PCBP3: variants seen among roughly 807,000 people sequenced by gnomAD.
The protein encoded by PCBP3 is poly(rC)-binding protein 3.
A neutral mutation model predicts 52.7 loss-of-function variants in PCBP3; 25 were observed. The ratio of observed to expected loss-of-function variants is 0.47; its 90% CI spans 0.35 to 0.66. The LOEUF is 0.66. Among genes scored for constraint, PCBP3 ranks in the 30% least tolerant of loss-of-function variants. The pLI is 0.01. For missense variants in PCBP3, 391 were observed against 490.3 expected (o/e 0.80, Z 1.91); for synonymous variants, 162 against 183.0 (o/e 0.89, Z 0.93).
rs532359138 is a variant in PCBP3 at position 45,723,022 on chromosome 21, A to C, written c.-199-12370A>C. Among the ~76,000 whole-genome samples the C allele has an allele frequency of 6.8e-4, 103 of 152,258 alleles. 1 individual carries two copies. Among genetic ancestry groups the C allele is most frequent in the African/African-American group, 2.2e-3 (93 of 41,556 alleles). ...CAGCAAGACCCGTCTCAAAAAAAAAAAATGTATATAGGTAAATGTAATAAT... is the reference window on the plus strand; with the variant it reads ...CAGCAAGACCCGTCTCAAAAAAAAACAATGTATATAGGTAAATGTAATAAT... On this transcript the variant is annotated intron_variant, in intron 2 of 17. Coordinates refer to ENST00000681687, the MANE Select transcript of PCBP3 (RefSeq NM_001384156.1).
At chr21:45,893,007 G>A (rs963126685) in intron 5 of PCBP3, among the ~76,000 whole-genome samples, 12 of 151,984 alleles carry the variant, frequency 7.9e-5, no homozygotes, top group African/African-American at 1.9e-4. Context: ...GAGGGGAGCC[G>A]ATAATAACAG....
At chr21:45,761,341 T>C (rs1396284154) in intron 4 of PCBP3, 6 of 152,290 alleles carry the variant, frequency 3.9e-5, no homozygotes, top group African/African-American at 1.4e-4. Flanking sequence ...GATCTGTTAC[T>C]GTCTCTTTTT....
At chr21:45,856,944 G>A (rs1359715993) in intron 5 of PCBP3, among the ~76,000 whole-genome samples, 2 of 152,200 alleles carry the variant, frequency 1.3e-5, no homozygotes, top group Non-Finnish European at 2.9e-5. Context: ...GGTTGAGTTT[G>A]TCTAAAGACC....
chr21:45,727,251 A>G lies in PCBP3; in HGVS notation c.-199-8141A>G, dbSNP rs141469105. Among the ~76,000 whole-genome samples the G allele has an allele frequency of 3.8e-3, 575 of 152,368 alleles. 2 individuals carry two copies. The highest frequency in any genetic ancestry group is 0.013 in the African/African-American group (551 of 41,582). On this transcript the variant is annotated intron_variant, in intron 2 of 17. Coordinates refer to ENST00000681687, the MANE Select transcript of PCBP3 (RefSeq NM_001384156.1). ...TATTTTTCTTGTTTTTAAAAATACA[A>G]TGTCCAGTTGTTCCAGCACCATTTC...
At chr21:45,719,353 G>A (rs991224957) in intron 2 of PCBP3, among the ~76,000 whole-genome samples, 1 of 152,122 alleles carries the variant, frequency 6.6e-6, no homozygotes, top group Non-Finnish European at 1.5e-5. Context: ...AGACAACTGA[G>A]GAACTGAGAA....
chr21:45,900,660 C>G (rs752354242), intron 8 of PCBP3, 37 bp downstream of exon 8: 1 of 1,111,168 alleles, frequency 9.0e-7, no homozygotes. Flanking sequence ...CGCAGCCATT[C>G]CCGGGTGGGC....
intron 13 of PCBP3, among the ~76,000 whole-genome samples, chr21:45,922,520 A>G (rs987146773): frequency 6.6e-6 from 1 of 152,118 alleles, no homozygotes; most frequent in Non-Finnish European, 1.5e-5. Context: ...GCACCACTGC[A>G]CTCCAGCCTG....
rs560876905 is a variant in PCBP3, at chr21:45,765,716, A to G, written c.-126+10264A>G. Among the ~76,000 whole-genome samples the G allele has an allele frequency of 1.1e-4, 16 of 152,318 alleles. No homozygotes were observed. The South Asian group carries it at 2.7e-3, about 26-fold the overall frequency. The stretch of plus-strand genomic sequence containing the variant: ...CCTAGGAGGCCCCTCATGTCCAGAC[A>G]TCGGCTTCAGTTTAGGGCTATGGGG... On this transcript the variant is annotated intron_variant, in intron 4 of 17. Transcript: ENST00000681687.
At chr21:45,898,627 C>G (rs1370117041) in intron 6 of PCBP3, among the ~76,000 whole-genome samples, 3 of 118,760 alleles carry the variant, frequency 2.5e-5, no homozygotes, top group African/African-American at 9.0e-5. Context: ...CTCACGGCCT[C>G]CCTCTCCCTC....
chr21:45,704,943 T>C lies in PCBP3; in HGVS notation c.-199-30449T>C, dbSNP rs1469151493. Among the ~76,000 whole-genome samples the C allele has an allele frequency of 6.6e-6, 1 of 152,146 alleles. No individual in the cohort carries two copies. The highest frequency in any genetic ancestry group is 2.4e-5 in the African/African-American group (1 of 41,380). On this transcript the variant is annotated intron_variant, in intron 2 of 17. Coordinates refer to ENST00000681687, the MANE Select transcript of PCBP3 (RefSeq NM_001384156.1). The surrounding 1 kb of genome is among the most constrained non-coding windows in gnomAD (Gnocchi z 4.1). Reference sequence around the variant, plus strand: ...TCCCTTTGGTCTCTGGAGCCTGGTTTCTACCATTAGCCTCCACAGAGCCCA... The same window carrying C: ...TCCCTTTGGTCTCTGGAGCCTGGTTCCTACCATTAGCCTCCACAGAGCCCA...
intron 4 of PCBP3, among the ~76,000 whole-genome samples, chr21:45,825,580 A>T (rs1350200570): frequency 1.3e-5 from 2 of 152,192 alleles, no homozygotes; most frequent in Non-Finnish European, 2.9e-5. Flanking sequence ...GTCACCGTGG[A>T]TGAGTTTCCT....
intron 2 of PCBP3, among the ~76,000 whole-genome samples, chr21:45,717,116 C>T (rs532927205): frequency 9.9e-5 from 15 of 151,974 alleles, no homozygotes; most frequent in African/African-American, 1.4e-4. Flanking sequence ...GCTGCTATTA[C>T]GAATGGATTT....
intron 4 of PCBP3, among the ~76,000 whole-genome samples, chr21:45,814,763 AGTG>A (rs2092808793): frequency 4.1e-5 from 5 of 120,574 alleles, no homozygotes; most frequent in Admixed American, 8.2e-5. Context: ...GTGAGTGGTG[AGTG>A]GTGAGTGGTG....
chr21:45,927,631 C>A (rs413517), intron 13 of PCBP3, among the ~76,000 whole-genome samples: 1 of 151,460 alleles, frequency 6.6e-6, no homozygotes, highest in Admixed American at 6.6e-5. Context: ...CCAGGCCTCC[C>A]TAGGACGTCC....
At position 45,940,195 on chromosome 21, in the gene PCBP3, G is replaced by A. The variant is rs368056368; in HGVS notation, c.1075G>A (p.Ala359Thr). 2.4e-5 allele frequency: 39 copies of A among 1,611,268 alleles called. No individual in the cohort carries two copies. Among genetic ancestry groups the A allele is most frequent in the Middle Eastern group, 1.7e-4 (1 of 5,812 alleles). The stretch of plus-strand genomic sequence containing the variant: ...CAGCCTTGCCCAGTATCTCATCAAC[G>A]CCAGGTGAGCATCTCCCAAGGGTCT... ...NISLAQYLIN[A>T]RLTSEVTGMG... is the part of the protein sequence containing the mutation. The change falls in exon 17 of 18, where the codon GCC becomes ACC. Residue 359 changes from alanine to threonine, a missense_variant. Coordinates refer to ENST00000681687, the MANE Select transcript of PCBP3 (RefSeq NM_001384156.1).
intron 12 of PCBP3, chr21:45,914,383 G>A (rs2075909): frequency 0.42 from 200,577 of 482,890 alleles, 44,865 homozygotes; most frequent in African/African-American, 0.73. Flanking sequence ...AAACAGCATG[G>A]TGAGAACCAG....
chr21:45,771,361 T>TA (rs2145811823), intron 4 of PCBP3, among the ~76,000 whole-genome samples: 1 of 152,306 alleles, frequency 6.6e-6, no homozygotes, highest in Admixed American at 6.5e-5. Flanking sequence ...AGTAAAGACT[T>TA]AGAGATTTCG....
chr21:45,819,485 G>C (rs1465826181), intron 4 of PCBP3, among the ~76,000 whole-genome samples: 1 of 152,244 alleles, frequency 6.6e-6, no homozygotes, highest in African/African-American at 2.4e-5. Flanking sequence ...TGCAGGTGCA[G>C]AGACCACACC....
At chr21:45,916,319 C>T (rs1003475035) in intron 12 of PCBP3, 1 of 152,264 alleles carries the variant, frequency 6.6e-6, no homozygotes. Context: ...CTTTACAAAA[C>T]ACTTGCAGGT....
Sources: allele counts gnomAD v4.1 joint callset (sites outside exome capture counted in the v4.1 genomes callset), GRCh38; gene constraint gnomAD v4.1.1; non-coding constraint Gnocchi (gnomAD v3.1); transcripts MANE v1.5; gene names NCBI Gene and HGNC (gene_info 2026-07-23, HGNC 2026-07-21).